Variants in APBA2 observed in about 807,000 individuals in gnomAD.
APBA2 encodes amyloid beta precursor protein binding family A member 2.
APBA2 carries 30 observed loss-of-function variants against 75.0 expected under a neutral mutation model. That is an observed-to-expected ratio of 0.40 (90% CI 0.30 to 0.54). APBA2 has a LOEUF of 0.54. Among genes scored for constraint, APBA2 ranks in the 20% least tolerant of loss-of-function variants. The pLI, the probability that APBA2 is intolerant of heterozygous loss-of-function variation, is 0.49. For missense variants in APBA2, 801 were observed against 1,016.1 expected (o/e 0.79, Z 2.88); for synonymous variants, 444 against 409.6 (o/e 1.08, Z -1.01).
At chr15:28,974,526 A>G (rs531064747) in intron 2 of APBA2, among the ~76,000 whole-genome samples, 1 of 152,228 alleles carries the variant, frequency 6.6e-6, no homozygotes, top group East Asian at 1.9e-4. Flanking sequence ...GAAAGTTGAC[A>G]TATATTAGCT....
intron 3 of APBA2, among the ~76,000 whole-genome samples, chr15:29,002,988 A>G (rs1025345434): frequency 6.6e-6 from 1 of 152,074 alleles, no homozygotes; most frequent in African/African-American, 2.4e-5. Flanking sequence ...ATATAACTGA[A>G]GCGTGGACAG....
intron 2 of APBA2, among the ~76,000 whole-genome samples, chr15:28,928,142 T>A (rs199896326): frequency 4.6e-5 from 6 of 131,410 alleles, no homozygotes; most frequent in Admixed American, 3.8e-4. Context: ...AGACTCCATC[T>A]AAAAAAAAAA....
chr15:28,981,751 A>G (rs1257644359), intron 2 of APBA2, among the ~76,000 whole-genome samples: 1 of 152,208 alleles, frequency 6.6e-6, no homozygotes, highest in African/African-American at 2.4e-5. Context: ...ACACATAATC[A>G]GTCTAGGTGC....
intron 3 of APBA2, among the ~76,000 whole-genome samples, chr15:29,008,838 T>G (rs2039260986): frequency 6.6e-6 from 1 of 152,100 alleles, no homozygotes; most frequent in South Asian, 2.1e-4. Flanking sequence ...TCTCTGGGAG[T>G]TGGTTTCCAT....
intron 4 of APBA2, 41 bp from the exon 5 acceptor site, chr15:29,074,880 C>G (rs768510181): frequency 2.5e-6 from 4 of 1,594,762 alleles, no homozygotes; most frequent in Non-Finnish European, 3.4e-6. Context: ...TTGCATTTCT[C>G]TAACATATAA....
intron 6 of APBA2, among the ~76,000 whole-genome samples, chr15:29,088,684 C>T (rs376277473): frequency 3.3e-5 from 5 of 152,176 alleles, no homozygotes; most frequent in Non-Finnish European, 7.3e-5. Flanking sequence ...TCTCTGCTGC[C>T]TGCCCCTCTG....
rs190499154 is a variant in APBA2 at position 29,008,311 on chromosome 15, T to C, written c.-41+12505T>C. Among the ~76,000 whole-genome samples, 280 of 152,328 alleles carry C rather than the reference T, an allele frequency of 1.8e-3. 2 individuals carry two copies. The highest frequency in any genetic ancestry group is 6.4e-3 in the African/African-American group (266 of 41,570). ...TGAAAAGAGTTCTGGAGATGGATGG[T>C]CATGATGGTAGCACAGCAGTGTGAA... is the stretch of plus-strand genomic sequence containing the variant. On this transcript the variant is annotated intron_variant, in intron 3 of 14. Transcript: ENST00000683413.
chr15:29,039,489 C>T (rs2040925209), intron 3 of APBA2, among the ~76,000 whole-genome samples: 1 of 152,130 alleles, frequency 6.6e-6, no homozygotes, highest in Admixed American at 6.5e-5. Context: ...TCAGCCTTGG[C>T]TGCATGTCAG....
rs571812818 is a variant in APBA2, at chr15:29,115,477, A to G, written c.2178+1461A>G. On this transcript the variant is annotated intron_variant, in intron 14 of 14. Coordinates refer to ENST00000683413, the MANE Select transcript of APBA2 (RefSeq NM_001353788.2). The stretch of plus-strand genomic sequence containing the variant: ...AAGAAAGGAAAAGCCAGTGTTCCCA[A>G]GTAGATGCTTTGAAGCGGCCGCCCC... Among the ~76,000 whole-genome samples, 5 of 152,198 alleles carry G rather than the reference A, an allele frequency of 3.3e-5. No individual in the cohort carries two copies. The East Asian group carries it at 9.7e-4, about 30-fold the overall frequency.
chr15:29,019,390 T>C (rs2039837020), intron 3 of APBA2, among the ~76,000 whole-genome samples: 1 of 152,232 alleles, frequency 6.6e-6, no homozygotes, highest in African/African-American at 2.4e-5. Flanking sequence ...TGAAGAATTG[T>C]GCAACACAGG....
chr15:29,054,144 A>G lies in APBA2; in HGVS notation c.260A>G (p.Asp87Gly). The G allele has an allele frequency of 6.2e-7, 1 of 1,614,160 alleles. No homozygotes were observed. The highest frequency in any genetic ancestry group is 8.5e-7 in the Non-Finnish European group (1 of 1,180,014). ...AACACCTCTGAGGAGGAGGACTATG[A>G]CGAGGGCCTCCCTGAGGAGGAGGAG... is the stretch of plus-strand genomic sequence containing the variant. The part of the protein sequence containing the change: ...VNNTSEEEDY[D>G]EGLPEEEEGI... The change falls in exon 4 of 15, where the codon GAC becomes GGC. Residue 87 changes from aspartate to glycine, a missense_variant. By Grantham distance (94) the Asp-to-Gly change is moderately conservative. Transcript: ENST00000683413. This position sits in a 1 kb window ranked among gnomAD's most constrained non-coding sequence, Gnocchi z 6.1.
At chr15:29,103,881 G>A (rs970357483) in intron 10 of APBA2, among the ~76,000 whole-genome samples, 1 of 152,208 alleles carries the variant, frequency 6.6e-6, no homozygotes, top group Non-Finnish European at 1.5e-5. Flanking sequence ...CCCTCCTGCC[G>A]AGCCCCATCA....
intron 6 of APBA2, among the ~76,000 whole-genome samples, chr15:29,089,251 C>T (rs955706108): frequency 1.3e-5 from 2 of 152,186 alleles, no homozygotes; most frequent in African/African-American, 4.8e-5. Flanking sequence ...TGAACTTGGG[C>T]AAAGCCACGT....
At chr15:28,926,343 A>G (rs568095502) in intron 2 of APBA2, among the ~76,000 whole-genome samples, 35 of 152,298 alleles carry the variant, frequency 2.3e-4, no homozygotes, top group African/African-American at 8.4e-4. Flanking sequence ...AAGTTTTACA[A>G]TATATGTTTA....
At chr15:28,938,491 T>C (rs1306372461) in intron 2 of APBA2, among the ~76,000 whole-genome samples, 2 of 152,134 alleles carry the variant, frequency 1.3e-5, no homozygotes, top group African/African-American at 4.8e-5. Context: ...TTATACATAT[T>C]ATGGGGGTAC....
chr15:29,078,304 A>T lies in APBA2; in HGVS notation c.1069+2213A>T, dbSNP rs185333572. 5.3e-3 allele frequency among the ~76,000 whole-genome samples: 793 copies of T among 149,354 alleles called. 8 individuals are homozygous for T. The highest frequency in any genetic ancestry group is 8.5e-3 in the Non-Finnish European group (576 of 67,442). On this transcript the variant is annotated intron_variant, in intron 6 of 14. Transcript: ENST00000683413. ...CGAAACTCCGTATCAAAAAAAATAT[A>T]AAAAAAATATTAAAAAGTCTAGAGG... is the stretch of plus-strand genomic sequence containing the variant.
intron 1 of APBA2, among the ~76,000 whole-genome samples, chr15:28,894,257 A>C (rs910722979): frequency 3.9e-5 from 6 of 152,098 alleles, no homozygotes; most frequent in African/African-American, 1.4e-4. Context: ...CTGTCCATCC[A>C]TCCACCCATC....
chr15:28,904,335 C>A (rs144864463), intron 1 of APBA2, among the ~76,000 whole-genome samples: 3 of 152,194 alleles, frequency 2.0e-5, no homozygotes, highest in African/African-American at 7.2e-5. Context: ...CCCAGCCATA[C>A]GAGTTTGTCC....
intron 2 of APBA2, among the ~76,000 whole-genome samples, chr15:28,982,905 T>A (rs1467814338): frequency 6.6e-6 from 1 of 152,212 alleles, no homozygotes; most frequent in Non-Finnish European, 1.5e-5. Context: ...GACCCCAGGT[T>A]GTAGTGATGT....
Sources: allele counts gnomAD v4.1 joint callset (sites outside exome capture counted in the v4.1 genomes callset), GRCh38; gene constraint gnomAD v4.1.1; non-coding constraint Gnocchi (gnomAD v3.1); transcripts MANE v1.5; gene names NCBI Gene and HGNC (gene_info 2026-07-23, HGNC 2026-07-21).